The following RHOBTB3 variants were observed in gnomAD, a reference collection of about 807,000 sequenced individuals.
RHOBTB3 encodes Rho related BTB domain containing 3.
RHOBTB3 carries 47 observed loss-of-function variants against 67.2 expected under a neutral mutation model. That is an observed-to-expected ratio of 0.70 (90% CI 0.55 to 0.89). The LOEUF (loss-of-function observed/expected upper bound fraction) is 0.89. Among genes scored for constraint, RHOBTB3 ranks in the 40% least tolerant of loss-of-function variants. The pLI, the probability that RHOBTB3 is intolerant of heterozygous loss-of-function variation, is 0.00. For synonymous variants in RHOBTB3, 273 were observed against 274.2 expected (o/e 1.00, Z 0.04); for missense variants, 631 against 750.0 (o/e 0.84, Z 1.85).
intron 6 of RHOBTB3, among the ~76,000 whole-genome samples, chr5:95,757,298 G>A (rs1745275017): frequency 6.6e-6 from 1 of 152,190 alleles, no homozygotes; most frequent in Admixed American, 6.5e-5. Context: ...GATGTAAAAT[G>A]AATTTTAATG....
intron 2 of RHOBTB3, among the ~76,000 whole-genome samples, chr5:95,735,698 A>G (rs1580394693): frequency 6.6e-6 from 1 of 152,242 alleles, no homozygotes; most frequent in Non-Finnish European, 1.5e-5. Context: ...ATAGTTAACT[A>G]GAATGTGAGA....
chr5:95,767,907 C>A, intron 7 of RHOBTB3, 139 bp from the exon 8 acceptor site: 1 of 839,990 alleles, frequency 1.2e-6, no homozygotes, highest in Non-Finnish European at 2.0e-6. Flanking sequence ...TCCTTTGAAA[C>A]CTGTGATCAG....
At chr5:95,743,490 C>A (rs1472344646) in intron 3 of RHOBTB3, among the ~76,000 whole-genome samples, 1 of 152,048 alleles carries the variant, frequency 6.6e-6, no homozygotes, top group Non-Finnish European at 1.5e-5. Context: ...AGCCTGTACT[C>A]AGAGCTTCAG....
intron 8 of RHOBTB3, among the ~76,000 whole-genome samples, chr5:95,778,816 T>C (rs897248236): frequency 6.6e-6 from 1 of 152,252 alleles, no homozygotes; most frequent in African/African-American, 2.4e-5. Flanking sequence ...AAACTGGTCC[T>C]TCCCGGTGGA....
At chr5:95,761,530 A>G (rs7716916) in intron 6 of RHOBTB3, among the ~76,000 whole-genome samples, 74,713 of 151,664 alleles carry the variant, frequency 0.49, 19,146 homozygotes, top group Admixed American at 0.59. Flanking sequence ...TTTAGTAGAG[A>G]TAGGGTTTCC....
intron 10 of RHOBTB3, among the ~76,000 whole-genome samples, chr5:95,787,470 A>T (rs1358209032): frequency 6.6e-6 from 1 of 151,624 alleles, no homozygotes; most frequent in Non-Finnish European, 1.5e-5. Context: ...AAAAAAAAGC[A>T]TATCCTTGAG....
In RHOBTB3 at chr5:95,773,646, A is replaced by G. The variant is rs1745785365; in HGVS notation, c.1282+5480A>G. Among the ~76,000 whole-genome samples the G allele has an allele frequency of 2.6e-5, 4 of 152,352 alleles. No individual in the cohort carries two copies. In the South Asian group the frequency reaches 6.2e-4, roughly 24 times the overall value. On this transcript the variant is annotated intron_variant, in intron 8 of 11. Transcript: ENST00000379982. ...GAGGTTCTTTTTAGTGTTAAGAGTT[A>G]TGTAACTAATAGCCATCCCTCTTTG...
In RHOBTB3 at chr5:95,773,851, C is replaced by T. The variant is rs12653589; in HGVS notation, c.1282+5685C>T. Among the ~76,000 whole-genome samples, 559 of 152,192 alleles carry T rather than the reference C, an allele frequency of 3.7e-3. 31 individuals are homozygous for T. The East Asian group carries it at 0.098, about 27-fold the overall frequency. Reference sequence around the variant, plus strand: ...TCACTCTGGAAGCAGGCTCAGCTTACCAGGGCCATTTCTCTGATGTACCTT... The same window carrying T: ...TCACTCTGGAAGCAGGCTCAGCTTATCAGGGCCATTTCTCTGATGTACCTT... On this transcript the variant is annotated intron_variant, in intron 8 of 11. Transcript: ENST00000379982.
At chr5:95,769,239 A>G in intron 8 of RHOBTB3, 1 of 376,556 alleles carries the variant, frequency 2.7e-6, no homozygotes, top group Non-Finnish European at 5.3e-6. Flanking sequence ...TTACAAAGTC[A>G]ATTGGCTTCA....
intron 11 of RHOBTB3, chr5:95,789,639 C>G (rs190941150): frequency 3.1e-4 from 47 of 152,090 alleles, no homozygotes; most frequent in African/African-American, 9.9e-4. Flanking sequence ...GTGGAGATAA[C>G]TGAAGTGTCT....
chr5:95,793,146 C>T lies in RHOBTB3; in HGVS notation c.1808C>T (p.Ser603Phe). Residue 603 changes from serine (S) to phenylalanine (F), a missense_variant, in exon 12 of 12, where the codon TCC (serine) becomes TTC (phenylalanine). Physicochemically the swap from Ser to Phe is radical, Grantham distance 155. Transcript: ENST00000379982. ...GCGGAATACAGGAAGTATATTCACT[C>T]CCGGAAATGTCGTTGCTTAGTAATG... is the stretch of plus-strand genomic sequence containing the variant. Reference protein sequence around the residue: ...QLAEYRKYIHSRKCRCLVM With the variant: ...QLAEYRKYIHFRKCRCLVM 1 of 1,611,702 alleles carries T rather than the reference C, an allele frequency of 6.2e-7. No homozygotes were observed. Among genetic ancestry groups the T allele is most frequent in the Non-Finnish European group, 8.5e-7 (1 of 1,178,692 alleles).
At chr5:95,774,653 A>G (rs566594233) in intron 8 of RHOBTB3, among the ~76,000 whole-genome samples, 2 of 152,308 alleles carry the variant, frequency 1.3e-5, no homozygotes, top group African/African-American at 2.4e-5. Flanking sequence ...ATGAAATTGT[A>G]TATGTCCAGA....
At chr5:95,791,757 G>T (rs1176309122) in intron 11 of RHOBTB3, among the ~76,000 whole-genome samples, 1 of 151,632 alleles carries the variant, frequency 6.6e-6, no homozygotes, top group Admixed American at 6.6e-5. Flanking sequence ...TGTTGGCCAG[G>T]CTGGTGTCAA....
intron 3 of RHOBTB3, 143 bp from the exon 4 acceptor site, chr5:95,748,190 G>A: frequency 2.3e-6 from 1 of 442,654 alleles, no homozygotes; most frequent in Non-Finnish European, 4.0e-6. Flanking sequence ...TGTATTCAGA[G>A]TTTAGTGGGT....
chr5:95,752,803 G>A (rs1745127130), intron 5 of RHOBTB3, among the ~76,000 whole-genome samples: 2 of 152,130 alleles, frequency 1.3e-5, no homozygotes, highest in Non-Finnish European at 2.9e-5. Context: ...GTATTGTGAT[G>A]AATAGGAGAA....
At chr5:95,775,987 TACAC>T (rs1303453549) in intron 8 of RHOBTB3, among the ~76,000 whole-genome samples, 16 of 152,270 alleles carry the variant, frequency 1.1e-4, no homozygotes, top group African/African-American at 2.6e-4. Flanking sequence ...TGATGCAAAA[TACAC>T]ACTTCAAAAG....
intron 8 of RHOBTB3, among the ~76,000 whole-genome samples, chr5:95,779,491 T>G (rs190342223): frequency 1.5e-3 from 232 of 152,288 alleles, no homozygotes; most frequent in Non-Finnish European, 9.9e-4. Flanking sequence ...GCTGCCTTTG[T>G]GTGGTGCAGC....
At chr5:95,723,961 A>C (rs1754973074) in intron 1 of RHOBTB3, among the ~76,000 whole-genome samples, 1 of 152,204 alleles carries the variant, frequency 6.6e-6, no homozygotes, top group Admixed American at 6.5e-5. Context: ...TAAAACACAA[A>C]CAGAAAATTT....
At chr5:95,778,165 G>C (rs575388327) in intron 8 of RHOBTB3, among the ~76,000 whole-genome samples, 4 of 151,718 alleles carry the variant, frequency 2.6e-5, no homozygotes, top group African/African-American at 9.7e-5. Context: ...ATAGGAGATT[G>C]GTTCCAAGGA....
Sources: allele counts gnomAD v4.1 joint callset (sites outside exome capture counted in the v4.1 genomes callset), GRCh38; gene constraint gnomAD v4.1.1; transcripts MANE v1.5; gene names NCBI Gene and HGNC (gene_info 2026-07-23, HGNC 2026-07-21).